Variants in FNDC3B observed in about 807,000 individuals in gnomAD.
The protein encoded by FNDC3B is fibronectin type III domain containing 3B, also known as fibronectin type III domain-containing protein 3B.
Under a neutral mutation model 151.5 loss-of-function variants are expected in FNDC3B, and 12 were observed. The ratio of observed to expected loss-of-function variants is 0.08; its 90% CI spans 0.05 to 0.13. FNDC3B has a LOEUF of 0.13. Among genes scored for constraint, FNDC3B ranks in the 10% least tolerant of loss-of-function variants. FNDC3B has a pLI of 1.00. For synonymous variants in FNDC3B, 528 were observed against 549.0 expected, an observed-to-expected ratio of 0.96 and a Z score of 0.54; for missense variants, 1,214 against 1,505.3, an observed-to-expected ratio of 0.81 and a Z score of 3.20.
chr3:172,262,907 A>C, intron 6 of FNDC3B, among the ~76,000 whole-genome samples: 1 of 113,868 alleles, frequency 8.8e-6, no homozygotes, highest in East Asian at 2.6e-4. Flanking sequence ...AAAAAAAAAA[A>C]AAAAAAAAAA....
At chr3:172,223,911 G>A (rs1006409896) in intron 3 of FNDC3B, among the ~76,000 whole-genome samples, 5 of 152,210 alleles carry the variant, frequency 3.3e-5, no homozygotes, top group Admixed American at 2.0e-4. Flanking sequence ...GCGCTTTTGC[G>A]TGTAATGAAT....
intron 1 of FNDC3B, among the ~76,000 whole-genome samples, chr3:172,058,221 T>G (rs1357172495): frequency 6.6e-6 from 1 of 152,238 alleles, no homozygotes; most frequent in Non-Finnish European, 1.5e-5. Context: ...ATATTAGTTT[T>G]GCTTTTCAGA....
At chr3:172,065,743 T>C (rs73879899) in intron 1 of FNDC3B, among the ~76,000 whole-genome samples, 2,459 of 152,294 alleles carry the variant, frequency 0.016, 66 homozygotes, top group African/African-American at 0.057. Context: ...TCAGAAAAGA[T>C]TTTTGTACTG....
intron 3 of FNDC3B, among the ~76,000 whole-genome samples, chr3:172,154,462 T>TC (rs913948318): frequency 3.1e-4 from 47 of 152,282 alleles, no homozygotes; most frequent in African/African-American, 1.1e-3. Context: ...GTCCTCCGCC[T>TC]CCCAAAGTGC....
At chr3:172,053,729 G>A (rs1302281579) in intron 1 of FNDC3B, among the ~76,000 whole-genome samples, 2 of 145,334 alleles carry the variant, frequency 1.4e-5, no homozygotes, top group Non-Finnish European at 3.0e-5. Flanking sequence ...CCGAGACTGC[G>A]CCATTGCCCT....
chr3:172,096,383 A>G (rs1719094648), intron 1 of FNDC3B, among the ~76,000 whole-genome samples: 1 of 152,188 alleles, frequency 6.6e-6, no homozygotes, highest in Admixed American at 6.5e-5. Flanking sequence ...TCTATTTAAA[A>G]TATGTGCACA....
At chr3:172,148,110 T>A (rs1722011111) in intron 3 of FNDC3B, among the ~76,000 whole-genome samples, 1 of 152,052 alleles carries the variant, frequency 6.6e-6, no homozygotes, top group African/African-American at 2.4e-5. Context: ...AGTTCCTAAT[T>A]TTATTAGGAA....
intron 1 of FNDC3B, among the ~76,000 whole-genome samples, chr3:172,072,203 G>A (rs1717814014): frequency 1.3e-5 from 2 of 149,160 alleles, no homozygotes; most frequent in Admixed American, 6.8e-5. Context: ...TGTGGCTAGT[G>A]TGACTGAGAA....
chr3:172,360,457 A>AT (rs1260942626), intron 22 of FNDC3B, among the ~76,000 whole-genome samples: 1 of 151,914 alleles, frequency 6.6e-6, no homozygotes, highest in African/African-American at 2.4e-5. Context: ...CCAGTTTTTT[A>AT]TTTTTTTCTT....
intron 3 of FNDC3B, among the ~76,000 whole-genome samples, chr3:172,209,819 A>G (rs929246741): frequency 2.6e-5 from 4 of 152,238 alleles, no homozygotes; most frequent in Non-Finnish European, 5.9e-5. Context: ...CCCGAGGGGC[A>G]CCTGCAGGCC....
intron 23 of FNDC3B, among the ~76,000 whole-genome samples, chr3:172,375,183 A>G (rs1212063457): frequency 2.6e-5 from 4 of 152,158 alleles, no homozygotes; most frequent in Non-Finnish European, 5.9e-5. Context: ...TCTGTCTTTA[A>G]TGTCTCCCTG....
chr3:172,055,316 T>C (rs1431998932), intron 1 of FNDC3B, among the ~76,000 whole-genome samples: 1 of 152,232 alleles, frequency 6.6e-6, no homozygotes, highest in Non-Finnish European at 1.5e-5. Flanking sequence ...TTTATTTGAT[T>C]TTGGACCTAT....
intron 17 of FNDC3B, among the ~76,000 whole-genome samples, chr3:172,342,397 C>T (rs75981884): frequency 0.064 from 9,777 of 152,252 alleles, 453 homozygotes; most frequent in Non-Finnish European, 0.1. Flanking sequence ...TTCCTCTGTG[C>T]CACTTCTCAG....
chr3:172,206,022 CAT>C (rs1030010926), intron 3 of FNDC3B, among the ~76,000 whole-genome samples: 3 of 152,072 alleles, frequency 2.0e-5, no homozygotes, highest in African/African-American at 7.2e-5. Context: ...AATATTCAAT[CAT>C]ATTTCTTTAT....
intron 23 of FNDC3B, among the ~76,000 whole-genome samples, chr3:172,374,984 T>A (rs1232483141): frequency 7.7e-6 from 1 of 130,390 alleles, no homozygotes; most frequent in Non-Finnish European, 1.6e-5. Context: ...TGGAAATGAC[T>A]GTGATAAATG....
At chr3:172,157,521 C>T (rs1022960093) in intron 3 of FNDC3B, among the ~76,000 whole-genome samples, 1 of 152,174 alleles carries the variant, frequency 6.6e-6, no homozygotes, top group Non-Finnish European at 1.5e-5. Flanking sequence ...CACCAAAAGG[C>T]TCTCTTGTGC....
chr3:172,170,048 A>AT (rs11421302), intron 3 of FNDC3B, among the ~76,000 whole-genome samples: 53,860 of 151,748 alleles, frequency 0.35, 10,662 homozygotes, highest in East Asian at 0.55. Flanking sequence ...ATTCCAATCT[A>AT]TTTTTTTTGT....
intron 6 of FNDC3B, among the ~76,000 whole-genome samples, chr3:172,270,687 T>C (rs1384102945): frequency 6.6e-6 from 1 of 152,222 alleles, no homozygotes; most frequent in East Asian, 1.9e-4. Context: ...TATATTCTCC[T>C]GCAAGAGTTC....
Position 172,045,102 on chromosome 3 carries a change from A to G in FNDC3B, c.-29+5331A>G, listed in dbSNP as rs575297676. On this transcript the variant is annotated intron_variant, in intron 1 of 25. Coordinates refer to ENST00000415807, the MANE Select transcript of FNDC3B (RefSeq NM_022763.4). ...TTTGGCAAAGCCTTATACAAACTCC[A>G]TAGTTCATTATATTCCAGAGTTTAA... Among the ~76,000 whole-genome samples, 74 of 152,352 alleles carry G rather than the reference A, an allele frequency of 4.9e-4. 1 individual carries two copies. The highest frequency in any genetic ancestry group is 3.4e-3 in the Middle Eastern group (1 of 294).
Sources: gnomAD v4.1 joint callset for allele counts (sites outside exome capture counted in the v4.1 genomes callset) on GRCh38, gnomAD v4.1.1 for gene constraint, MANE v1.5 for transcripts, NCBI Gene and HGNC (gene_info 2026-07-23, HGNC 2026-07-21) for gene names.